The following PTPRQ variants were observed in gnomAD, a reference collection of about 807,000 sequenced individuals.
PTPRQ encodes phosphatidylinositol phosphatase PTPRQ.
In PTPRQ, 199 loss-of-function variants were observed where a neutral mutation model predicts 246.0. The observed-to-expected ratio is 0.81, with a 90% CI of 0.72 to 0.91. The LOEUF is 0.91. Ranked by LOEUF, PTPRQ falls within the 40% of genes least tolerant of loss-of-function variation. The pLI is 0.00. For synonymous variants in PTPRQ, 869 were observed against 853.2 expected, an observed-to-expected ratio of 1.02 and a Z score of -0.32; for missense variants, 2,624 against 2,528.4, an observed-to-expected ratio of 1.04 and a Z score of -0.81.
chr12:80,584,265 A>G (rs772773570), intron 25 of PTPRQ: 1 of 152,174 alleles, frequency 6.6e-6, no homozygotes. Context: ...AAGGTCAGAC[A>G]AAGAGACAAG....
At chr12:80,656,998 A>T (rs1232508679) in intron 38 of PTPRQ, among the ~76,000 whole-genome samples, 1 of 151,906 alleles carries the variant, frequency 6.6e-6, no homozygotes, top group Non-Finnish European at 1.5e-5. Context: ...GACAACTTTG[A>T]CAAATGGTAC....
At chr12:80,617,419 A>C (rs181368932) in intron 30 of PTPRQ, among the ~76,000 whole-genome samples, 1 of 151,604 alleles carries the variant, frequency 6.6e-6, no homozygotes, top group Non-Finnish European at 1.5e-5. Flanking sequence ...TAAATTATTT[A>C]CTTTGGGAAG....
intron 8 of PTPRQ, among the ~76,000 whole-genome samples, chr12:80,478,469 G>T (rs1399998187): frequency 6.6e-6 from 1 of 152,104 alleles, no homozygotes; most frequent in Admixed American, 6.6e-5. Flanking sequence ...AAAAAGCAGA[G>T]CGCCTCTCCT....
chr12:80,589,601 C>T (rs1897726002), intron 26 of PTPRQ, among the ~76,000 whole-genome samples: 1 of 152,132 alleles, frequency 6.6e-6, no homozygotes, highest in Non-Finnish European at 1.5e-5. Flanking sequence ...TCTAGGCCAC[C>T]AATTGTGTCT....
intron 3 of PTPRQ, among the ~76,000 whole-genome samples, chr12:80,449,774 T>C (rs1471160531): frequency 6.6e-6 from 1 of 152,216 alleles, no homozygotes; most frequent in South Asian, 2.1e-4. Context: ...TTTTGGTTAC[T>C]GTAGCCTTAT....
chr12:80,525,653 TG>T (rs1310539958), intron 17 of PTPRQ, among the ~76,000 whole-genome samples: 3 of 131,322 alleles, frequency 2.3e-5, no homozygotes, highest in Non-Finnish European at 4.7e-5. Flanking sequence ...TCTCTCTCTC[TG>T]TCTCTCTCTC....
At chr12:80,477,977 T>C (rs1893879602) in intron 8 of PTPRQ, among the ~76,000 whole-genome samples, 2 of 152,348 alleles carry the variant, frequency 1.3e-5, no homozygotes, top group African/African-American at 2.4e-5. Flanking sequence ...TTGCCCAGGC[T>C]TGCTTAGGTA....
chr12:80,585,308 C>T (rs1003377146), intron 25 of PTPRQ, among the ~76,000 whole-genome samples: 4 of 152,126 alleles, frequency 2.6e-5, no homozygotes, highest in African/African-American at 9.7e-5. Context: ...TGATATTTCA[C>T]ATACCACACA....
At chr12:80,607,479 C>T (rs567626719) in intron 27 of PTPRQ, among the ~76,000 whole-genome samples, 4 of 148,378 alleles carry the variant, frequency 2.7e-5, no homozygotes, top group South Asian at 2.1e-4. Context: ...CCCACCCTCC[C>T]TCCTTCCCTT....
At chr12:80,670,704 T>C (rs1181642423) in intron 42 of PTPRQ, among the ~76,000 whole-genome samples, 1 of 152,054 alleles carries the variant, frequency 6.6e-6, no homozygotes, top group African/African-American at 2.4e-5. Context: ...TTTTCACAGT[T>C]GAAGTTTGGA....
At chr12:80,603,141 A>C (rs145099402) in intron 26 of PTPRQ, among the ~76,000 whole-genome samples, 1 of 151,806 alleles carries the variant, frequency 6.6e-6, no homozygotes, top group African/African-American at 2.4e-5. Context: ...TTGCACCCAC[A>C]TCAAATTATT....
At chr12:80,609,178 A>C (rs1352994814) in intron 27 of PTPRQ, among the ~76,000 whole-genome samples, 1 of 150,350 alleles carries the variant, frequency 6.7e-6, no homozygotes, top group Non-Finnish European at 1.5e-5. Context: ...TTTTTTAAAA[A>C]AAAATTGAGT....
chr12:80,525,934 G>T (rs967739993), intron 17 of PTPRQ: 2 of 152,042 alleles, frequency 1.3e-5, no homozygotes, highest in Non-Finnish European at 2.9e-5. Flanking sequence ...AGTTGGTGAG[G>T]TCTAGTGTAG....
intron 14 of PTPRQ, among the ~76,000 whole-genome samples, chr12:80,498,038 G>T (rs532211904): frequency 1.8e-4 from 28 of 152,170 alleles, no homozygotes; most frequent in South Asian, 4.1e-4. Context: ...AATGGCAGTA[G>T]TTGAAAGTGC....
chr12:80,453,051 G>A (rs953804447), intron 3 of PTPRQ, among the ~76,000 whole-genome samples: 4 of 152,088 alleles, frequency 2.6e-5, no homozygotes, highest in Non-Finnish European at 2.9e-5. Context: ...ATTTCTTGGA[G>A]GCTTTGTTCA....
intron 25 of PTPRQ, among the ~76,000 whole-genome samples, chr12:80,556,848 A>C (rs780371843): frequency 3.3e-5 from 5 of 152,176 alleles, no homozygotes; most frequent in Non-Finnish European, 7.4e-5. Flanking sequence ...ACAAGGGGTC[A>C]GGCTGAGACC....
chr12:80,616,864 T>C (rs904107052), intron 30 of PTPRQ, among the ~76,000 whole-genome samples: 4 of 150,952 alleles, frequency 2.6e-5, no homozygotes, highest in Non-Finnish European at 5.9e-5. Context: ...TTAAGAGGAA[T>C]TTAGGGCCAT....
rs186796880 is a variant in PTPRQ at position 80,669,150 on chromosome 12, T to C, written c.6327+9T>C. The C allele has an allele frequency of 1.0e-4, 160 of 1,541,864 alleles. No individual in the cohort carries two copies. In the African/African-American group the frequency reaches 1.9e-3, roughly 18 times the overall value. On this transcript the variant is annotated intron_variant, in intron 40 of 44. Transcript: ENST00000644991. ...GTTTTGAAAAAGGACGGGTAAGTTATTTGAAAATGTTTTACAAATGTTGTT... is the reference window on the plus strand; with the variant it reads ...GTTTTGAAAAAGGACGGGTAAGTTACTTGAAAATGTTTTACAAATGTTGTT...
In PTPRQ at chr12:80,680,082, T is replaced by C. The variant is rs1901266123; in HGVS notation, c.*1059T>C. The C allele has an allele frequency of 6.6e-6, 1 of 151,870 alleles. No homozygotes were observed. The highest frequency in any genetic ancestry group is 1.5e-5 in the Non-Finnish European group (1 of 67,878). The allele number at this position is 151,870 out of a possible 1,614,324, so 9.4% of individuals were successfully genotyped here. On this transcript the variant is annotated 3_prime_UTR_variant, in exon 45 of 45. Coordinates refer to ENST00000644991, the MANE Select transcript of PTPRQ (RefSeq NM_001145026.2). ...TTTCTTTATAGAAAATCTTTCAGCC[T>C]CCATCTTATTAAATAGTGACAATGT...
Sources: gnomAD v4.1 joint callset for allele counts (sites outside exome capture counted in the v4.1 genomes callset) on GRCh38, gnomAD v4.1.1 for gene constraint, MANE v1.5 for transcripts, NCBI Gene and HGNC (gene_info 2026-07-23, HGNC 2026-07-21) for gene names.